The following PALLD variants were observed in gnomAD, a reference collection of about 807,000 sequenced individuals.
PALLD encodes palladin, cytoskeletal associated protein.
In PALLD, 61 loss-of-function variants were observed where a neutral mutation model predicts 123.5. The ratio of observed to expected loss-of-function variants is 0.49; its 90% CI spans 0.40 to 0.61. The LOEUF is 0.61. PALLD is among the 20% of genes least tolerant of loss of function. The pLI, the probability that PALLD is intolerant of heterozygous loss-of-function variation, is 0.00. For missense variants in PALLD, 1,273 were observed against 1,377.0 expected, an observed-to-expected ratio of 0.92 and a Z score of 1.20; for synonymous variants, 465 against 496.4, an observed-to-expected ratio of 0.94 and a Z score of 0.84.
At chr4:168,678,568 A>C (rs1414892297) in intron 3 of PALLD, among the ~76,000 whole-genome samples, 1 of 152,132 alleles carries the variant, frequency 6.6e-6, no homozygotes, top group Non-Finnish European at 1.5e-5. Flanking sequence ...ACTAAGGTAC[A>C]GGCATGGAAA....
In PALLD at chr4:168,844,618, T is replaced by C. The variant is rs960596238; in HGVS notation, c.1965-46304T>C. ...TATTCTAATTTTATCTGAGATTTAT[T>C]AGAATATATGAGGTGGAAAAAAAAG... On this transcript the variant is annotated intron_variant, in intron 10 of 21. Transcript: ENST00000505667. The surrounding 1 kb of genome is among the most constrained non-coding windows in gnomAD (Gnocchi z 4.5). 4 of 152,188 alleles carry C rather than the reference T, an allele frequency of 2.6e-5. No individual in the cohort carries two copies. Among genetic ancestry groups the C allele is most frequent in the African/African-American group, 9.7e-5 (4 of 41,436 alleles). The allele number at this position is 152,188 out of a possible 1,614,324, so 9.4% of individuals were successfully genotyped here.
chr4:168,588,966 C>A (rs962026118), intron 2 of PALLD, among the ~76,000 whole-genome samples: 1 of 152,100 alleles, frequency 6.6e-6, no homozygotes, highest in Non-Finnish European at 1.5e-5. Context: ...TTCATCTGTT[C>A]CTTGACAGTG....
intron 2 of PALLD, among the ~76,000 whole-genome samples, chr4:168,614,624 C>G (rs548772395): frequency 2.2e-4 from 33 of 152,270 alleles, no homozygotes; most frequent in African/African-American, 7.9e-4. Context: ...ATAGTGGACT[C>G]TCAGTGCTCA....
intron 2 of PALLD, among the ~76,000 whole-genome samples, chr4:168,607,180 G>A (rs1773267054): frequency 6.6e-6 from 1 of 152,056 alleles, no homozygotes; most frequent in South Asian, 2.1e-4. Flanking sequence ...GGGAGTGAAA[G>A]GAAGAAGAGA....
At chr4:168,925,393 A>C (rs1762382109) in intron 21 of PALLD, 115 bp downstream of exon 21, 1 of 793,248 alleles carries the variant, frequency 1.3e-6, no homozygotes, top group Non-Finnish European at 2.3e-6. Flanking sequence ...CAGTAGGCAA[A>C]GGCATAACCA....
At chr4:168,532,724 G>A (rs552195237) in intron 2 of PALLD, among the ~76,000 whole-genome samples, 1 of 152,092 alleles carries the variant, frequency 6.6e-6, no homozygotes, top group East Asian at 1.9e-4. Flanking sequence ...CATAAATAGG[G>A]GAAAAGGATA....
chr4:168,611,873 C>A (rs1331466980), intron 2 of PALLD, among the ~76,000 whole-genome samples: 1 of 152,122 alleles, frequency 6.6e-6, no homozygotes, highest in Non-Finnish European at 1.5e-5. Context: ...TAAAGATGTC[C>A]AACAGGCCAG....
At chr4:168,761,641 G>GTTTTTTTTT (rs1230404942) in intron 10 of PALLD, among the ~76,000 whole-genome samples, 7 of 11,634 alleles carry the variant, frequency 6.0e-4, no homozygotes, top group East Asian at 4.5e-3. Flanking sequence ...TGTTGTTGTT[G>GTTTTTTTTT]TTTGTTTTTT....
At chr4:168,910,198 G>T (rs1758625899) in intron 15 of PALLD, among the ~76,000 whole-genome samples, 1 of 149,992 alleles carries the variant, frequency 6.7e-6, no homozygotes, top group Non-Finnish European at 1.5e-5. Context: ...GACCTTTCCA[G>T]AGTAGTATGC....
intron 2 of PALLD, among the ~76,000 whole-genome samples, chr4:168,615,660 G>T (rs1774158422): frequency 6.6e-6 from 1 of 152,176 alleles, no homozygotes; most frequent in African/African-American, 2.4e-5. Flanking sequence ...TCTCAGAGGG[G>T]TCTGATGTGA....
chr4:168,916,272 C>T (rs968331227), intron 17 of PALLD, among the ~76,000 whole-genome samples: 6 of 151,982 alleles, frequency 3.9e-5, no homozygotes, highest in South Asian at 2.1e-4. Context: ...GTTAGCCAGG[C>T]GTGGTGGCGT....
At chr4:168,555,388 T>A (rs999545991) in intron 2 of PALLD, among the ~76,000 whole-genome samples, 1 of 152,196 alleles carries the variant, frequency 6.6e-6, no homozygotes, top group Non-Finnish European at 1.5e-5. Context: ...AGGAGGAAGA[T>A]GGCTGAATCT....
chr4:168,889,106 T>G (rs1461206967), intron 10 of PALLD, among the ~76,000 whole-genome samples: 4 of 151,732 alleles, frequency 2.6e-5, no homozygotes, highest in African/African-American at 9.7e-5. Flanking sequence ...CCTTGACGCT[T>G]TGGCAGTAAA....
chr4:168,765,849 A>T (rs1389491108), intron 10 of PALLD, among the ~76,000 whole-genome samples: 2 of 152,202 alleles, frequency 1.3e-5, no homozygotes, highest in Non-Finnish European at 2.9e-5. Flanking sequence ...TGAATTACTC[A>T]TGGGGGTGTG....
intron 2 of PALLD, 93 bp downstream of exon 2, chr4:168,512,505 C>A: frequency 8.6e-7 from 1 of 1,156,824 alleles, no homozygotes; most frequent in Non-Finnish European, 1.3e-6. Flanking sequence ...TGTCATTAGC[C>A]CTCTGGAGAC....
At chr4:168,903,007 C>G (rs1756881339) in intron 14 of PALLD, among the ~76,000 whole-genome samples, 1 of 152,126 alleles carries the variant, frequency 6.6e-6, no homozygotes, top group Non-Finnish European at 1.5e-5. Context: ...GAGCAATCCT[C>G]CTCAGCCTCC....
chr4:168,709,553 A>G (rs1404457881), intron 9 of PALLD, among the ~76,000 whole-genome samples: 3 of 238 alleles, frequency 0.013, no homozygotes, highest in African/African-American at 0.047. Flanking sequence ...GAAGGAAGGA[A>G]GGAAGGAAGG....
At chr4:168,916,995 A>G (rs1352619811) in intron 17 of PALLD, among the ~76,000 whole-genome samples, 23 of 147,588 alleles carry the variant, frequency 1.6e-4, no homozygotes. Context: ...AAGATAAGTT[A>G]GAGGGACATC....
chr4:168,868,513 C>G (rs1224348773), intron 10 of PALLD, among the ~76,000 whole-genome samples: 1 of 152,186 alleles, frequency 6.6e-6, no homozygotes, highest in Non-Finnish European at 1.5e-5. Flanking sequence ...ATTCTCCTTC[C>G]AGAAATAAAG....
Sources: allele counts gnomAD v4.1 joint callset (sites outside exome capture counted in the v4.1 genomes callset), GRCh38; gene constraint gnomAD v4.1.1; non-coding constraint Gnocchi (gnomAD v3.1); transcripts MANE v1.5; gene names NCBI Gene and HGNC (gene_info 2026-07-23, HGNC 2026-07-21).